KCNE3: variants seen among roughly 807,000 people sequenced by gnomAD.
KCNE3 encodes potassium voltage-gated channel subfamily E regulatory subunit 3, also known as potassium voltage-gated channel subfamily E member 3.
A neutral mutation model predicts 4.3 loss-of-function variants in KCNE3; 2 were observed. That is an observed-to-expected ratio of 0.47 (90% CI 0.19 to 1.48). KCNE3 has a LOEUF of 1.48. Ranked by LOEUF, KCNE3 falls within the 40% of genes most tolerant of loss-of-function variation. The pLI, the probability that KCNE3 is intolerant of heterozygous loss-of-function variation, is 0.25. For missense variants in KCNE3, 128 were observed against 136.8 expected (o/e 0.94, Z 0.32); for synonymous variants, 47 against 52.0 (o/e 0.90, Z 0.41).
rs112578727 is a variant in KCNE3 at position 74,461,355 on chromosome 11, C to G, written c.-41+600G>C. Among the ~76,000 whole-genome samples the G allele has an allele frequency of 5.7e-3, 863 of 151,680 alleles. 12 individuals carry two copies. The highest frequency in any genetic ancestry group is 0.02 in the African/African-American group (824 of 41,258). ...AGCACAATTTTAAAAAATAGGCCAG[C>G]TGTGGTGCCTCACTCCTTTAATCCC... is the stretch of plus-strand genomic sequence containing the variant. On this transcript the variant is annotated intron_variant, in intron 2 of 2. Transcript: ENST00000310128.
At chr11:74,466,578 CT>C (rs1864062517) in intron 1 of KCNE3, among the ~76,000 whole-genome samples, 1 of 152,200 alleles carries the variant, frequency 6.6e-6, no homozygotes, top group Non-Finnish European at 1.5e-5. Flanking sequence ...ATCATCTCCC[CT>C]GGGGCATCAG....
At position 74,457,045 on chromosome 11, in the gene KCNE3, T is replaced by A; in HGVS notation, c.*207A>T. ...GGGCTCCCACTGTTTATAAAGTCTA[T>A]CTTTTCCTGGGAAAAAATCCTTATG... On this transcript the variant is annotated 3_prime_UTR_variant, in exon 3 of 3. Transcript: ENST00000310128. 1.6e-6 allele frequency: 1 copy of A among 609,396 alleles called. No individual in the cohort carries two copies. Among genetic ancestry groups the A allele is most frequent in the Non-Finnish European group, 2.9e-6 (1 of 342,878 alleles). 37.7% of individuals were successfully genotyped at this position (609,396 alleles called of 1,614,324 possible). A position where few individuals can be genotyped will look rare whatever the true frequency, so the allele number is the denominator to read the frequency against.
intron 2 of KCNE3, among the ~76,000 whole-genome samples, chr11:74,460,459 G>C (rs914179075): frequency 6.6e-6 from 1 of 152,250 alleles, no homozygotes; most frequent in East Asian, 1.9e-4. Context: ...GACAAGCAAA[G>C]AGCTACTAAG....
chr11:74,463,135 T>C (rs1460491024), intron 1 of KCNE3, among the ~76,000 whole-genome samples: 1 of 152,066 alleles, frequency 6.6e-6, no homozygotes, highest in Non-Finnish European at 1.5e-5. Context: ...GCCAGGATGA[T>C]CTAGCCTGAG....
At chr11:74,463,349 G>A (rs1261834934) in intron 1 of KCNE3, among the ~76,000 whole-genome samples, 1 of 152,180 alleles carries the variant, frequency 6.6e-6, no homozygotes. Context: ...GGGTTTGTAT[G>A]GGAGGGAAGG....
In KCNE3 at chr11:74,457,087, A is replaced by G; in HGVS notation, c.*165T>C. On this transcript the variant is annotated 3_prime_UTR_variant, in exon 3 of 3. Transcript: ENST00000310128. ...ATCCTTATGCACAAGGCTTCGGTCTACCAGCCCCTCTTCTCCCACCCCAGT... is the reference window on the plus strand; with the variant it reads ...ATCCTTATGCACAAGGCTTCGGTCTGCCAGCCCCTCTTCTCCCACCCCAGT... 1 of 707,138 alleles carries G rather than the reference A, an allele frequency of 1.4e-6. No individual in the cohort carries two copies. Among genetic ancestry groups the G allele is most frequent in the Non-Finnish European group, 2.5e-6 (1 of 402,734 alleles). The allele number at this position is 707,138 out of a possible 1,614,324, so 43.8% of individuals were successfully genotyped here.
In KCNE3 at chr11:74,457,169, T is replaced by G. The variant is rs945325355; in HGVS notation, c.*83A>C. 1 of 1,300,034 alleles carries G rather than the reference T, an allele frequency of 7.7e-7. No individual in the cohort carries two copies. The highest frequency in any genetic ancestry group is 1.5e-5 in the African/African-American group (1 of 68,468). 80.5% of individuals were successfully genotyped at this position (1,300,034 alleles called of 1,614,324 possible). On this transcript the variant is annotated 3_prime_UTR_variant, in exon 3 of 3. Coordinates refer to ENST00000310128, the MANE Select transcript of KCNE3 (RefSeq NM_005472.5). ...TCTTACAGATAGGGACACTGAGACC[T>G]GATGCAGTCCACAGCAGAGTTCTGG...
chr11:74,458,277 A>C (rs1863871224), intron 2 of KCNE3, among the ~76,000 whole-genome samples: 1 of 152,234 alleles, frequency 6.6e-6, no homozygotes, highest in African/African-American at 2.4e-5. Flanking sequence ...GGTTTCTATA[A>C]ATCACTGAAC....
chr11:74,465,561 C>T (rs1864042307), intron 1 of KCNE3, among the ~76,000 whole-genome samples: 1 of 152,130 alleles, frequency 6.6e-6, no homozygotes, highest in Non-Finnish European at 1.5e-5. Flanking sequence ...TGTGTACCTA[C>T]CCAGGGTGTG....
chr11:74,457,659 C>A, intron 2 of KCNE3, 56 bp from the exon 3 acceptor site: 2 of 1,118,414 alleles, frequency 1.8e-6, no homozygotes, highest in Non-Finnish European at 2.7e-6. Flanking sequence ...GCTCAAATGA[C>A]CTCCTCCCTT....
Position 74,457,307 on chromosome 11 carries a change from T to C in KCNE3, c.257A>G (p.Asp86Gly). The C allele has an allele frequency of 1.2e-6, 2 of 1,614,018 alleles. No individual in the cohort carries two copies. The highest frequency in any genetic ancestry group is 1.7e-5 in the Admixed American group (1 of 60,014). The change falls in exon 3 of 3, where the codon GAC becomes GGC. Residue 86 changes from aspartate (D) to glycine (G), a missense_variant. Transcript: ENST00000310128. ...CACATGATAGGGGTCACTACGCTTG[T>C]CCACTTTGCGGGAGCGGGTGTATCC... ...ILGYTRSRKVDKRSDPYHVYI... is the reference protein window; with the variant it reads ...ILGYTRSRKVGKRSDPYHVYI...
Position 74,467,412 on chromosome 11 carries a change from G to A in KCNE3, c.-204C>T, listed in dbSNP as rs1442992579. On this transcript the variant is annotated 5_prime_UTR_variant, in exon 1 of 3. Coordinates refer to ENST00000310128, the MANE Select transcript of KCNE3 (RefSeq NM_005472.5). This position sits in a 1 kb window ranked among gnomAD's most constrained non-coding sequence, Gnocchi z 4.4. ...GGGTGCCTTACCTGCCTCTCAGCAA[G>A]GCTCCGGGGCGCCCGTTTGCTCGCT... 2.6e-5 allele frequency: 4 copies of A among 152,762 alleles called. No individual in the cohort carries two copies. The highest frequency in any genetic ancestry group is 9.6e-5 in the African/African-American group (4 of 41,462). The allele number at this position is 152,762 out of a possible 1,614,324, so 9.5% of individuals were successfully genotyped here.
At chr11:74,462,691 T>TTACA (rs1169096525) in intron 1 of KCNE3, 2 of 152,170 alleles carry the variant, frequency 1.3e-5, no homozygotes, top group African/African-American at 4.8e-5. Flanking sequence ...CGGTGGTTGT[T>TTACA]TTTGTAGAGC....
chr11:74,466,154 C>T (rs969507419), intron 1 of KCNE3, among the ~76,000 whole-genome samples: 4 of 152,324 alleles, frequency 2.6e-5, no homozygotes, highest in African/African-American at 7.2e-5. Context: ...TAGGCCAACA[C>T]GTCTAGCCGT....
intron 2 of KCNE3, among the ~76,000 whole-genome samples, chr11:74,460,574 T>C (rs1252111607): frequency 1.3e-5 from 2 of 152,188 alleles, no homozygotes; most frequent in Non-Finnish European, 1.5e-5. Context: ...GCAGAAAAGA[T>C]GAAGGAAACA....
At chr11:74,457,880 T>C (rs942310344) in intron 2 of KCNE3, among the ~76,000 whole-genome samples, 23 of 152,146 alleles carry the variant, frequency 1.5e-4, no homozygotes, top group Admixed American at 4.6e-4. Flanking sequence ...AAAGGGCAGT[T>C]CCCCTGCACC....
chr11:74,460,425 C>T (rs1263065504), intron 2 of KCNE3, among the ~76,000 whole-genome samples: 1 of 152,242 alleles, frequency 6.6e-6, no homozygotes, highest in Non-Finnish European at 1.5e-5. Context: ...TGCCTTCGCC[C>T]AGGGGCTCTG....
At position 74,467,006 on chromosome 11, in the gene KCNE3, G is replaced by C. The variant is rs111867325; in HGVS notation, c.-190+392C>G. ...GCAGAGCCGGTGGCTCCAGCCAAAT[G>C]AGACTGTGCTGGGTCCTGAAATGTC... On this transcript the variant is annotated intron_variant, in intron 1 of 2. Coordinates refer to ENST00000310128, the MANE Select transcript of KCNE3 (RefSeq NM_005472.5). This position sits in a 1 kb window ranked among gnomAD's most constrained non-coding sequence, Gnocchi z 4.4. 6.6e-6 allele frequency among the ~76,000 whole-genome samples: 1 copy of C among 152,240 alleles called. No individual in the cohort carries two copies. The highest frequency in any genetic ancestry group is 1.5e-5 in the Non-Finnish European group (1 of 68,036).
At chr11:74,458,213 G>A (rs1051741529) in intron 2 of KCNE3, among the ~76,000 whole-genome samples, 6 of 152,160 alleles carry the variant, frequency 3.9e-5, no homozygotes, top group African/African-American at 7.2e-5. Context: ...ATAAATAATT[G>A]TACAACAAAG....
Sources: allele counts gnomAD v4.1 joint callset (sites outside exome capture counted in the v4.1 genomes callset), GRCh38; gene constraint gnomAD v4.1.1; non-coding constraint Gnocchi (gnomAD v3.1); transcripts MANE v1.5; gene names NCBI Gene and HGNC (gene_info 2026-07-23, HGNC 2026-07-21).